WIPI2: variants seen among roughly 807,000 people sequenced by gnomAD.
WIPI2 encodes the protein WD repeat domain, phosphoinositide interacting 2.
A neutral mutation model predicts 52.3 loss-of-function variants in WIPI2; 28 were observed. The ratio of observed to expected loss-of-function variants is 0.54; its 90% CI spans 0.40 to 0.73. The LOEUF (loss-of-function observed/expected upper bound fraction) is 0.73. WIPI2 is among the 30% of genes least tolerant of loss of function. The pLI is 0.00. For missense variants in WIPI2, 506 were observed against 602.9 expected (o/e 0.84, Z 1.68); for synonymous variants, 268 against 245.0 (o/e 1.09, Z -0.88).
At chr7:5,229,857 C>A in intron 12 of WIPI2, 119 bp downstream of exon 12, 2 of 1,416,686 alleles carry the variant, frequency 1.4e-6, no homozygotes, top group African/African-American at 1.4e-5. Context: ...GGGACTGGTT[C>A]TGAGAACATA....
At chr7:5,216,505 G>A (rs146639321) in intron 4 of WIPI2, 58 bp from the exon 5 acceptor site, 7 of 1,332,538 alleles carry the variant, frequency 5.3e-6, no homozygotes, top group South Asian at 2.4e-5. Context: ...CTGGAGATTG[G>A]GGCAGGTATT....
intron 4 of WIPI2, 63 bp from the exon 5 acceptor site, chr7:5,216,500 G>C (rs1014954146): frequency 7.7e-7 from 1 of 1,300,898 alleles, no homozygotes; most frequent in African/African-American, 1.5e-5. Context: ...GTCAACTGGA[G>C]ATTGGGGCAG....
At chr7:5,210,924 TA>T (rs143052939) in intron 3 of WIPI2, among the ~76,000 whole-genome samples, 3,431 of 152,262 alleles carry the variant, frequency 0.023, 124 homozygotes, top group African/African-American at 0.078. Flanking sequence ...GCGGCTCGCA[TA>T]GAACTCAGCC....
At position 5,230,968 on chromosome 7, in the gene WIPI2, C is replaced by G; in HGVS notation, c.*21C>G. On this transcript the variant is annotated 3_prime_UTR_variant, in exon 13 of 13. Transcript: ENST00000288828. This position sits in a 1 kb window ranked among gnomAD's most constrained non-coding sequence, Gnocchi z 4.8. ...ACTGAACTTGACCTGTGACCTCTGA[C>G]CCGGGGAGCAGAGAACACTGGCTTC... 1 of 1,598,008 alleles carries G rather than the reference C, an allele frequency of 6.3e-7. No homozygotes were observed. Among genetic ancestry groups the G allele is most frequent in the Non-Finnish European group, 8.5e-7 (1 of 1,170,014 alleles).
chr7:5,195,341 C>T (rs758166303), intron 2 of WIPI2, among the ~76,000 whole-genome samples: 6 of 152,092 alleles, frequency 3.9e-5, no homozygotes, highest in South Asian at 2.1e-4. Flanking sequence ...AAAAATTAGC[C>T]GGGTGTGGTG....
Position 5,232,866 on chromosome 7 carries a change from T to G in WIPI2, c.*1919T>G, listed in dbSNP as rs1386046649. ...CTGGTGCCTGCCTGTGGTGGTGATT[T>G]GGAGACTCAAATTTCCTTTGCCAGG... On this transcript the variant is annotated 3_prime_UTR_variant, in exon 13 of 13. Coordinates refer to ENST00000288828, the MANE Select transcript of WIPI2 (RefSeq NM_015610.4). The G allele has an allele frequency of 6.6e-6, 1 of 152,478 alleles. No individual in the cohort carries two copies. Among genetic ancestry groups the G allele is most frequent in the Non-Finnish European group, 1.5e-5 (1 of 68,202 alleles). The allele number at this position is 152,478 out of a possible 1,614,324, so 9.4% of individuals were successfully genotyped here.
chr7:5,224,919 C>A (rs1783351885), intron 8 of WIPI2, among the ~76,000 whole-genome samples: 1 of 152,130 alleles, frequency 6.6e-6, no homozygotes, highest in East Asian at 1.9e-4. Context: ...CTGACCCCAC[C>A]CCCATCGCTG....
chr7:5,226,709 G>T (rs2115316155), intron 9 of WIPI2: 1 of 154,212 alleles, frequency 6.5e-6, no homozygotes, highest in African/African-American at 2.4e-5. Context: ...AATTTTGTTG[G>T]GTATATTTCA....
chr7:5,228,011 C>T, intron 10 of WIPI2, 93 bp from the exon 11 acceptor site: 1 of 1,222,120 alleles, frequency 8.2e-7, no homozygotes, highest in Non-Finnish European at 1.2e-6. Flanking sequence ...TTGCTGGGGT[C>T]TCTTTCCTCG....
chr7:5,205,840 GTTC>G (rs1782267368), intron 3 of WIPI2, among the ~76,000 whole-genome samples: 1 of 147,268 alleles, frequency 6.8e-6, no homozygotes, highest in South Asian at 2.2e-4. Flanking sequence ...CTCAAACTGA[GTTC>G]TTTTTTTTTT....
At chr7:5,200,858 G>A (rs972306804) in intron 3 of WIPI2, among the ~76,000 whole-genome samples, 3 of 152,168 alleles carry the variant, frequency 2.0e-5, no homozygotes, top group African/African-American at 4.8e-5. Flanking sequence ...CAAGTACCCA[G>A]GCCCTTTGCA....
At position 5,199,579 on chromosome 7, in the gene WIPI2, C is replaced by G; in HGVS notation, c.132C>G (p.Ser44=). ...TCTGAATTTGGCTTTTTTGCAGGTC[C>G]CTAGCTGTTGGTAGTAAGTCCGGTT... is the stretch of plus-strand genomic sequence containing the variant. ...AGLGRRAVVW[S]LAVGSKSGYK... Residue 44 remains serine, a synonymous_variant, in exon 3 of 13, where the codon TCC becomes TCG. Transcript: ENST00000288828. The G allele has an allele frequency of 6.2e-7, 1 of 1,612,116 alleles. No homozygotes were observed. Among genetic ancestry groups the G allele is most frequent in the South Asian group, 1.1e-5 (1 of 90,696 alleles).
Position 5,229,948 on chromosome 7 carries a change from A to T in WIPI2, c.1252+210A>T, listed in dbSNP as rs1158273860. On this transcript the variant is annotated intron_variant, in intron 12 of 12. Coordinates refer to ENST00000288828, the MANE Select transcript of WIPI2 (RefSeq NM_015610.4). The stretch of plus-strand genomic sequence containing the variant: ...CGTTTCCTTTTTTTTTTTTTTTTTT[A>T]AAGGAGAGATGGGGTTTCCCTATGT... 5.0e-5 allele frequency among the ~76,000 whole-genome samples: 7 copies of T among 139,336 alleles called. No homozygotes were observed. In the South Asian group the frequency reaches 1.2e-3, roughly 23 times the overall value. 91.4% of individuals were successfully genotyped at this position (139,336 alleles called of 152,430 possible).
intron 11 of WIPI2, 78 bp from the exon 12 acceptor site, chr7:5,229,530 C>G (rs1027783827): frequency 6.6e-7 from 1 of 1,525,364 alleles, no homozygotes; most frequent in African/African-American, 1.4e-5. Context: ...GCTCTGTTGC[C>G]GCAGGGCAGC....
chr7:5,209,013 A>AT (rs55697377), intron 3 of WIPI2, among the ~76,000 whole-genome samples: 25,043 of 92,846 alleles, frequency 0.27, 3,471 homozygotes, highest in Non-Finnish European at 0.35. Flanking sequence ...ATATTCTGTG[A>AT]TTTTTTTTTT....
Position 5,222,614 on chromosome 7 carries a change from A to C in WIPI2, c.682A>C (p.Arg228=). ...TTTCCTTCCACAGGGGACCGTGATTAGGGTATTTTCCATTCCAGAAGGACA... is the reference window on the plus strand; with the variant it reads ...TTTCCTTCCACAGGGGACCGTGATTCGGGTATTTTCCATTCCAGAAGGACA... ...ATASEKGTVI[R]VFSIPEGQKL... Residue 228 remains arginine, a synonymous_variant, in exon 8 of 13, where the codon AGG becomes CGG. Coordinates refer to ENST00000288828, the MANE Select transcript of WIPI2 (RefSeq NM_015610.4). 6.2e-7 allele frequency: 1 copy of C among 1,614,014 alleles called. No individual in the cohort carries two copies. Among genetic ancestry groups the C allele is most frequent in the Middle Eastern group, 1.7e-4 (1 of 6,056 alleles).
chr7:5,214,390 A>G (rs1782707419), intron 3 of WIPI2, 145 bp from the exon 4 acceptor site: 1 of 1,605,502 alleles, frequency 6.2e-7, no homozygotes, highest in Non-Finnish European at 8.5e-7. Flanking sequence ...GGCTGTCCCC[A>G]CCCCATGACC....
rs756953270 is a variant in WIPI2 at position 5,231,061 on chromosome 7, T to C, written c.*114T>C. 2.2e-5 allele frequency: 16 copies of C among 734,218 alleles called. No homozygotes were observed. The highest frequency in any genetic ancestry group is 3.0e-5 in the Non-Finnish European group (15 of 492,318). The allele number at this position is 734,218 out of a possible 1,614,324, so 45.5% of individuals were successfully genotyped here. A position where few individuals can be genotyped will look rare whatever the true frequency, so the allele number is the denominator to read the frequency against. On this transcript the variant is annotated 3_prime_UTR_variant, in exon 13 of 13. Transcript: ENST00000288828. ...TCGGGGGAGAGGATGGCAGAGACTT[T>C]ATTAAAAAAAAAAAAAGATTGTAGT...
intron 7 of WIPI2, 118 bp from the exon 8 acceptor site, chr7:5,222,484 G>A: frequency 9.5e-7 from 1 of 1,052,284 alleles, no homozygotes; most frequent in South Asian, 1.3e-5. Context: ...CTCCTTGGTG[G>A]CCCAGGGCAG....
Sources: gnomAD v4.1 joint callset for allele counts (sites outside exome capture counted in the v4.1 genomes callset) on GRCh38, gnomAD v4.1.1 for gene constraint, Gnocchi (gnomAD v3.1) non-coding constraint, MANE v1.5 for transcripts, NCBI Gene and HGNC (gene_info 2026-07-23, HGNC 2026-07-21) for gene names.